Variants in LPIN2 observed in about 807,000 individuals in gnomAD.
LPIN2 encodes the protein phosphatidate phosphatase LPIN2.
In LPIN2, 55 loss-of-function variants were observed where a neutral mutation model predicts 111.4. That is an observed-to-expected ratio of 0.49 (90% confidence interval 0.40 to 0.62). The LOEUF (loss-of-function observed/expected upper bound fraction) is 0.62, where lower values mean the gene tolerates loss of function less well. LPIN2 is among the 20% of genes least tolerant of loss of function. The probability of loss-of-function intolerance (pLI) is 0.00; values close to 1 mark genes in which losing one functional copy is unlikely to be tolerated. For missense variants in LPIN2, 992 were observed against 1,112.1 expected (o/e 0.89, Z 1.54); for synonymous variants, 425 against 414.0 (o/e 1.03, Z -0.32).
rs1298258870 is a variant in LPIN2 at position 2,918,482 on chromosome 18, C to T, written c.*1811G>A. The T allele has an allele frequency of 6.6e-6, 1 of 152,180 alleles. No homozygotes were observed. Among genetic ancestry groups the T allele is most frequent in the East Asian group, 1.9e-4 (1 of 5,200 alleles). 9.4% of individuals were successfully genotyped at this position (152,180 alleles called of 1,614,324 possible). A position where few individuals can be genotyped will look rare whatever the true frequency, so the allele number is the denominator to read the frequency against. ...ATAAGGTGGCTGCATGGCTGCTGTACTAGAATTCACAAACTGGGAAGAACT... is the reference window on the plus strand; with the variant it reads ...ATAAGGTGGCTGCATGGCTGCTGTATTAGAATTCACAAACTGGGAAGAACT... On this transcript the variant is annotated 3_prime_UTR_variant, in exon 20 of 20. Transcript: ENST00000677752.
intron 4 of LPIN2, among the ~76,000 whole-genome samples, chr18:2,943,807 G>A (rs1002400292): frequency 1.3e-5 from 2 of 152,106 alleles, no homozygotes; most frequent in African/African-American, 4.8e-5. Context: ...CATGAGTCTG[G>A]TTGCCAGATC....
At chr18:2,987,077 C>A (rs958337556) in intron 1 of LPIN2, among the ~76,000 whole-genome samples, 8 of 152,288 alleles carry the variant, frequency 5.3e-5, no homozygotes, top group African/African-American at 1.9e-4. Flanking sequence ...ACAGTGATGA[C>A]ACCCTTAGGT....
At chr18:3,008,980 C>T (rs1418670719) in intron 1 of LPIN2, among the ~76,000 whole-genome samples, 1 of 149,722 alleles carries the variant, frequency 6.7e-6, no homozygotes, top group Non-Finnish European at 1.5e-5. Flanking sequence ...AAAATCAACA[C>T]ATCTGTCCGG....
At chr18:2,931,929 A>T (rs771884925) in intron 8 of LPIN2, among the ~76,000 whole-genome samples, 1 of 152,212 alleles carries the variant, frequency 6.6e-6, no homozygotes, top group Non-Finnish European at 1.5e-5. Flanking sequence ...AATCTTTTCT[A>T]AGTTCGCCTA....
At chr18:2,939,788 A>G (rs1680027353) in intron 5 of LPIN2, among the ~76,000 whole-genome samples, 185 bp from the exon 6 acceptor site, 1 of 152,240 alleles carries the variant, frequency 6.6e-6, no homozygotes, top group South Asian at 2.1e-4. Flanking sequence ...AATAAAAATG[A>G]CACCAACTAG....
rs73379038 is a variant in LPIN2 at position 2,987,311 on chromosome 18, C to T, written c.-10+25776G>A. ...GGCCAAGTGAAGGTGCTGGAAGAAG[C>T]CAGTGCTGGGTTCCTATACTCCAGA... is the stretch of plus-strand genomic sequence containing the variant. On this transcript the variant is annotated intron_variant, in intron 1 of 19. Transcript: ENST00000677752. 4.9e-3 allele frequency among the ~76,000 whole-genome samples: 743 copies of T among 152,270 alleles called. 6 individuals are homozygous for T. Among genetic ancestry groups the T allele is most frequent in the African/African-American group, 0.017 (702 of 41,552 alleles).
chr18:2,943,961 G>A (rs760454234), intron 4 of LPIN2, among the ~76,000 whole-genome samples: 75 of 152,044 alleles, frequency 4.9e-4, no homozygotes, highest in Non-Finnish European at 1.3e-4. Context: ...TAAGAATTCC[G>A]CAAATGCCAA....
rs145740705 is a variant in LPIN2, at chr18:2,943,429, CGTGTGTGTGT to C, written c.591-2727_591-2718del. On this transcript the variant is annotated intron_variant, in intron 4 of 19. Transcript: ENST00000677752. The stretch of plus-strand genomic sequence containing the variant: ...GTAACCAGACTAAATATAAAAGCTG[CGTGTGTGTGT>C]GTGTGTGTGTGTGTGTGTGTATAAA... Among the ~76,000 whole-genome samples, 108 of 142,250 alleles carry C rather than the reference CGTGTGTGTGT, an allele frequency of 7.6e-4. 1 individual carries two copies. The highest frequency in any genetic ancestry group is 2.7e-3 in the Admixed American group (39 of 14,334). 93.3% of individuals were successfully genotyped at this position (142,250 alleles called of 152,430 possible).
chr18:2,948,224 A>C (rs1187087778), intron 4 of LPIN2: 1 of 152,144 alleles, frequency 6.6e-6, no homozygotes, highest in East Asian at 1.9e-4. Flanking sequence ...AAAAAGCAAA[A>C]CACCAACCTC....
Position 2,925,286 on chromosome 18 carries a change from G to A in LPIN2, c.1876C>T (p.Pro626Ser), listed in dbSNP as rs150806357. 2,956 of 1,614,178 alleles carry A rather than the reference G, an allele frequency of 1.8e-3. 20 individuals are homozygous for A. The highest frequency in any genetic ancestry group is 0.011 in the South Asian group (980 of 91,086). The change falls in exon 14 of 20, where the codon CCC becomes TCC. Residue 626 changes from proline (P) to serine (S), a missense_variant. Pro to Ser is a moderately conservative substitution (Grantham distance 74). This residue lies in a region of LPIN2 where 709 missense variants were observed against 753.2 expected (regional missense o/e 0.94). Coordinates refer to ENST00000677752, the MANE Select transcript of LPIN2 (RefSeq NM_001375808.2). This position sits in a 1 kb window ranked among gnomAD's most constrained non-coding sequence, Gnocchi z 4.1. Reference sequence around the variant, plus strand: ...GAAGTTGTGCTGCCGTGGCTCAGGGGCTCTGTGGGGATGGGGTCCACTGTG... The same window carrying A: ...GAAGTTGTGCTGCCGTGGCTCAGGGACTCTGTGGGGATGGGGTCCACTGTG... ...SITVDPIPTE[P>S]LSHGSTTSYK...
At chr18:3,008,432 ACC>A (rs2078549666) in intron 1 of LPIN2, among the ~76,000 whole-genome samples, 5 of 152,376 alleles carry the variant, frequency 3.3e-5, no homozygotes, top group Admixed American at 6.5e-5. Flanking sequence ...ACCAAGTGAG[ACC>A]TTGTCTCAAA....
chr18:2,928,750 G>C, intron 10 of LPIN2, 90 bp from the exon 11 acceptor site: 20 of 934,076 alleles, frequency 2.1e-5, no homozygotes, highest in South Asian at 4.1e-5. Flanking sequence ...GAGGAGGGAA[G>C]TGACATATAA....
chr18:2,967,861 AT>A (rs1273566226), intron 1 of LPIN2, among the ~76,000 whole-genome samples: 1 of 152,208 alleles, frequency 6.6e-6, no homozygotes, highest in Non-Finnish European at 1.5e-5. Flanking sequence ...TATATTAGCT[AT>A]CTTTAAATTC....
rs2077036023 is a variant in LPIN2 at position 2,920,382 on chromosome 18, G to A, written c.2602C>T (p.Gln868Ter). The change falls in exon 20 of 20, where the codon CAG becomes TAG. Residue 868 changes from glutamine (Q) to a stop codon, truncating the protein, a stop_gained. Transcript: ENST00000677752. LOFTEE classifies it high-confidence loss of function. ...TCCGGGCAGGGAAAAGCGGAATTCT[G>A]CTCCTTACTGAGAAGGGGGAACACA... ...EHVFPLLSKE[Q>*]NSAFPCPEFS... The A allele has an allele frequency of 1.9e-6, 3 of 1,613,962 alleles. No individual in the cohort carries two copies. The highest frequency in any genetic ancestry group is 2.5e-6 in the Non-Finnish European group (3 of 1,180,052).
intron 1 of LPIN2, 123 bp from the exon 2 acceptor site, chr18:2,960,972 TA>T: frequency 6.2e-6 from 1 of 161,334 alleles, no homozygotes; most frequent in Non-Finnish European, 1.3e-5. Flanking sequence ...TCATTAGCCT[TA>T]TTAATTTTCA....
In LPIN2 at chr18:3,001,844, G is replaced by C. The variant is rs575106918; in HGVS notation, c.-10+11243C>G. 2.6e-3 allele frequency among the ~76,000 whole-genome samples: 398 copies of C among 152,250 alleles called. 1 individual carries two copies. The highest frequency in any genetic ancestry group is 8.9e-3 in the African/African-American group (370 of 41,542). On this transcript the variant is annotated intron_variant, in intron 1 of 19. Coordinates refer to ENST00000677752, the MANE Select transcript of LPIN2 (RefSeq NM_001375808.2). ...ATAAATAGAACTATTATGTGATATA[G>C]CCTAATGAATAAGAATCACATTTAC...
At chr18:2,983,450 C>G (rs2078141667) in intron 1 of LPIN2, among the ~76,000 whole-genome samples, 2 of 152,166 alleles carry the variant, frequency 1.3e-5, no homozygotes, top group South Asian at 4.1e-4. Context: ...CTCAGTAAGT[C>G]AAAACATAGT....
chr18:2,943,397 C>T (rs2077394694), intron 4 of LPIN2, among the ~76,000 whole-genome samples: 1 of 151,570 alleles, frequency 6.6e-6, no homozygotes. Context: ...ATACCATGGT[C>T]ACTAATGTAA....
At chr18:2,922,336 G>A (rs768447019) in intron 16 of LPIN2, 137 bp from the exon 17 acceptor site, 30 of 963,580 alleles carry the variant, frequency 3.1e-5, no homozygotes, top group Non-Finnish European at 3.7e-5. Context: ...GTGCTGTGGC[G>A]CCATCTCGGC....
Sources: gnomAD v4.1 joint callset for allele counts (sites outside exome capture counted in the v4.1 genomes callset) on GRCh38, gnomAD v4.1.1 for gene constraint, gnomAD v4.1.1 regional missense constraint, Gnocchi (gnomAD v3.1) non-coding constraint, MANE v1.5 for transcripts, NCBI Gene and HGNC (gene_info 2026-07-23, HGNC 2026-07-21) for gene names.